Variants in KIF26B observed in about 807,000 individuals in gnomAD.
The protein encoded by KIF26B is kinesin family member 26B.
A neutral mutation model predicts 151.2 loss-of-function variants in KIF26B; 63 were observed. The ratio of observed to expected loss-of-function variants is 0.42; its 90% CI spans 0.34 to 0.51. The LOEUF (loss-of-function observed/expected upper bound fraction) is 0.51. Among genes scored for constraint, KIF26B ranks in the 20% least tolerant of loss-of-function variants. KIF26B has a pLI of 0.07. For synonymous variants in KIF26B, 1,357 were observed against 1,262.1 expected, an observed-to-expected ratio of 1.08 and a Z score of -1.59; for missense variants, 2,813 against 2,913.6, an observed-to-expected ratio of 0.97 and a Z score of 0.79.
At chr1:245,662,569 C>CA (rs58948986) in intron 10 of KIF26B, among the ~76,000 whole-genome samples, 29,798 of 80,674 alleles carry the variant, frequency 0.37, 5,766 homozygotes, top group Non-Finnish European at 0.4. Context: ...TATACACACA[C>CA]CCTATATATA....
At chr1:245,339,622 C>T (rs1048569288) in intron 2 of KIF26B, among the ~76,000 whole-genome samples, 1 of 152,178 alleles carries the variant, frequency 6.6e-6, no homozygotes, top group African/African-American at 2.4e-5. Flanking sequence ...TTGAGATATT[C>T]ATATACCATA....
At chr1:245,620,696 C>A (rs914105396) in intron 9 of KIF26B, among the ~76,000 whole-genome samples, 5 of 152,136 alleles carry the variant, frequency 3.3e-5, no homozygotes, top group Non-Finnish European at 7.4e-5. Flanking sequence ...GCCATGGTAC[C>A]CGTCCAAAAA....
At chr1:245,527,615 G>A (rs1392900829) in intron 4 of KIF26B, among the ~76,000 whole-genome samples, 1 of 128,462 alleles carries the variant, frequency 7.8e-6, no homozygotes, top group Non-Finnish European at 1.6e-5. Flanking sequence ...CTCACTGCAA[G>A]CTCCACCTCC....
intron 4 of KIF26B, among the ~76,000 whole-genome samples, chr1:245,498,797 T>A (rs997764422): frequency 1.3e-5 from 2 of 152,082 alleles, no homozygotes; most frequent in Non-Finnish European, 2.9e-5. Flanking sequence ...ATCTGAGAGG[T>A]ACTGGGGAAA....
chr1:245,631,088 TCG>T (rs991401890), intron 9 of KIF26B, among the ~76,000 whole-genome samples: 3 of 152,194 alleles, frequency 2.0e-5, no homozygotes, highest in African/African-American at 7.2e-5. Flanking sequence ...AATTTGACTT[TCG>T]CTTTTCCAGT....
rs2042974683 is a variant in KIF26B at position 245,563,409 on chromosome 1, T to C, written c.1350+22459T>C. Among the ~76,000 whole-genome samples the C allele has an allele frequency of 6.6e-6, 1 of 152,220 alleles. No homozygotes were observed. The highest frequency in any genetic ancestry group is 6.5e-5 in the Admixed American group (1 of 15,288). On this transcript the variant is annotated intron_variant, in intron 5 of 14. Coordinates refer to ENST00000407071, the MANE Select transcript of KIF26B (RefSeq NM_018012.4). The surrounding 1 kb of genome is among the most constrained non-coding windows in gnomAD (Gnocchi z 4.6). ...CTATCTTCTCAAGGATCACTGGTCT[T>C]TCGCATATACCCTCTTGCTCCCGAA...
rs531383343 is a variant in KIF26B, at chr1:245,621,672, T to A, written c.2098+9696T>A. ...CTTACCTGCTATTAATTATCACCTATTGTGTTCATTTGCTGTGTAACTACA... is the reference window on the plus strand; with the variant it reads ...CTTACCTGCTATTAATTATCACCTAATGTGTTCATTTGCTGTGTAACTACA... On this transcript the variant is annotated intron_variant, in intron 9 of 14. Coordinates refer to ENST00000407071, the MANE Select transcript of KIF26B (RefSeq NM_018012.4). Among the ~76,000 whole-genome samples, 14 of 152,348 alleles carry A rather than the reference T, an allele frequency of 9.2e-5. No individual in the cohort carries two copies. In the East Asian group the frequency reaches 2.5e-3, roughly 27 times the overall value.
At chr1:245,171,932 C>A (rs1433882766) in intron 2 of KIF26B, among the ~76,000 whole-genome samples, 3 of 152,208 alleles carry the variant, frequency 2.0e-5, no homozygotes, top group Admixed American at 6.5e-5. Flanking sequence ...GGTAGTCATT[C>A]ATTAAATGTG....
chr1:245,177,359 C>A (rs6698917), intron 2 of KIF26B, among the ~76,000 whole-genome samples: 20,470 of 152,096 alleles, frequency 0.13, 2,309 homozygotes, highest in African/African-American at 0.31. Context: ...CATTTTTTTA[C>A]ATTCTATATT....
At chr1:245,254,568 A>G (rs1471307091) in intron 2 of KIF26B, among the ~76,000 whole-genome samples, 6 of 152,250 alleles carry the variant, frequency 3.9e-5, no homozygotes, top group Non-Finnish European at 7.3e-5. Flanking sequence ...TCCTATTGAA[A>G]GATACTTGTG....
At chr1:245,629,917 G>A (rs1286408546) in intron 9 of KIF26B, among the ~76,000 whole-genome samples, 1 of 151,732 alleles carries the variant, frequency 6.6e-6, no homozygotes, top group Non-Finnish European at 1.5e-5. Flanking sequence ...TCAAAAAGTG[G>A]GCAAAGGATA....
intron 3 of KIF26B, among the ~76,000 whole-genome samples, chr1:245,388,944 C>T (rs143846458): frequency 5.9e-5 from 9 of 152,268 alleles, no homozygotes; most frequent in African/African-American, 7.2e-5. Context: ...AAGACAGCAG[C>T]GTCCCTGATG....
intron 2 of KIF26B, among the ~76,000 whole-genome samples, chr1:245,283,571 TTTTA>T (rs1411962657): frequency 6.6e-6 from 1 of 152,178 alleles, no homozygotes; most frequent in Non-Finnish European, 1.5e-5. Flanking sequence ...GCAGCCTCTC[TTTTA>T]TTTGTTTACT....
intron 2 of KIF26B, among the ~76,000 whole-genome samples, chr1:245,254,035 C>T (rs955235054): frequency 6.6e-6 from 1 of 152,058 alleles, no homozygotes; most frequent in East Asian, 1.9e-4. Flanking sequence ...TGGTCTCGAT[C>T]TCCTGACCTC....
At chr1:245,280,435 G>A (rs1298468988) in intron 2 of KIF26B, among the ~76,000 whole-genome samples, 3 of 149,704 alleles carry the variant, frequency 2.0e-5, no homozygotes, top group African/African-American at 7.4e-5. Flanking sequence ...GGAGGCTGAG[G>A]CAGGAGAATG....
At chr1:245,246,558 G>A (rs560029386) in intron 2 of KIF26B, among the ~76,000 whole-genome samples, 4 of 152,248 alleles carry the variant, frequency 2.6e-5, no homozygotes, top group South Asian at 4.1e-4. Flanking sequence ...CAATGAAAGC[G>A]TTGGCACCTG....
At position 245,488,307 on chromosome 1, in the gene KIF26B, C is replaced by A. The variant is rs1408517461; in HGVS notation, c.1167-52460C>A. ...TAGCTTTAAAAAAGAATCCTCTAAC[C>A]ATATGGGGAAAAAAAAAAATCAGCA... is the stretch of plus-strand genomic sequence containing the variant. On this transcript the variant is annotated intron_variant, in intron 4 of 14. Coordinates refer to ENST00000407071, the MANE Select transcript of KIF26B (RefSeq NM_018012.4). This position sits in a 1 kb window ranked among gnomAD's most constrained non-coding sequence, Gnocchi z 4.6. 2.0e-5 allele frequency among the ~76,000 whole-genome samples: 3 copies of A among 151,866 alleles called. No homozygotes were observed. The highest frequency in any genetic ancestry group is 2.9e-5 in the Non-Finnish European group (2 of 67,960).
At chr1:245,229,095 T>C (rs1046359715) in intron 2 of KIF26B, among the ~76,000 whole-genome samples, 1 of 152,148 alleles carries the variant, frequency 6.6e-6, no homozygotes, top group Non-Finnish European at 1.5e-5. Context: ...GCCTCCCTAG[T>C]AGGTCAGACT....
intron 2 of KIF26B, among the ~76,000 whole-genome samples, chr1:245,299,354 C>T (rs1430249352): frequency 9.6e-5 from 12 of 124,720 alleles, no homozygotes; most frequent in South Asian, 5.3e-4. Context: ...GAGTTTGGGT[C>T]GCCCACATGA....
Sources: gnomAD v4.1 joint callset for allele counts (sites outside exome capture counted in the v4.1 genomes callset) on GRCh38, gnomAD v4.1.1 for gene constraint, Gnocchi (gnomAD v3.1) non-coding constraint, MANE v1.5 for transcripts, NCBI Gene and HGNC (gene_info 2026-07-23, HGNC 2026-07-21) for gene names.